RBFOX1: variants seen among roughly 807,000 people sequenced by gnomAD.
RBFOX1 encodes RNA binding protein fox-1 homolog 1.
In RBFOX1, 8 loss-of-function variants were observed where a neutral mutation model predicts 57.7. That is an observed-to-expected ratio of 0.14 (90% CI 0.08 to 0.25). The LOEUF (loss-of-function observed/expected upper bound fraction) is 0.25, where lower values mean the gene tolerates loss of function less well. Among genes scored for constraint, RBFOX1 ranks in the 10% least tolerant of loss-of-function variants. RBFOX1 has a pLI of 1.00. For missense variants in RBFOX1, 611 were observed against 548.5 expected (o/e 1.11, Z -1.14); for synonymous variants, 326 against 222.4 (o/e 1.47, Z -4.15).
intron 3 of RBFOX1, among the ~76,000 whole-genome samples, chr16:6,656,394 TA>T (rs1318505519): frequency 2.6e-5 from 4 of 152,006 alleles, no homozygotes; most frequent in African/African-American, 9.7e-5. Flanking sequence ...ACGCACAAGG[TA>T]AATAAGCAGG....
At chr16:7,194,065 A>G (rs577834662) in intron 4 of RBFOX1, among the ~76,000 whole-genome samples, 2 of 152,272 alleles carry the variant, frequency 1.3e-5, no homozygotes, top group African/African-American at 4.8e-5. Context: ...CATTGAATCA[A>G]TTATTGGGAG....
At chr16:5,373,455 C>T (rs959951837) in intron 1 of RBFOX1, among the ~76,000 whole-genome samples, 1 of 151,948 alleles carries the variant, frequency 6.6e-6, no homozygotes, top group Non-Finnish European at 1.5e-5. Flanking sequence ...TGTGTAGCAC[C>T]TCTCCCTTCA....
chr16:5,658,620 C>A (rs1314320581), intron 3 of RBFOX1, among the ~76,000 whole-genome samples: 1 of 151,998 alleles, frequency 6.6e-6, no homozygotes, highest in Non-Finnish European at 1.5e-5. Context: ...GTTTTCCATT[C>A]TTGAGTTACT....
At chr16:7,137,840 C>T (rs147991317) in intron 4 of RBFOX1, among the ~76,000 whole-genome samples, 2 of 152,202 alleles carry the variant, frequency 1.3e-5, no homozygotes, top group Non-Finnish European at 2.9e-5. Context: ...TGCACAGGCT[C>T]ACTACATGTT....
intron 1 of RBFOX1, among the ~76,000 whole-genome samples, chr16:5,300,376 G>A (rs929827729): frequency 1.3e-5 from 2 of 152,136 alleles, no homozygotes; most frequent in East Asian, 1.9e-4. Context: ...GGGTGGGAGC[G>A]GGTGAGGGAT....
intron 4 of RBFOX1, among the ~76,000 whole-genome samples, chr16:7,150,219 G>C (rs1241713027): frequency 6.6e-6 from 1 of 152,104 alleles, no homozygotes; most frequent in African/African-American, 2.4e-5. Flanking sequence ...TTTACCTATT[G>C]GCTGGCAACC....
chr16:6,998,737 A>G (rs2092487777), intron 3 of RBFOX1, among the ~76,000 whole-genome samples: 1 of 152,156 alleles, frequency 6.6e-6, no homozygotes, highest in Admixed American at 6.5e-5. Flanking sequence ...AAAACTTAAT[A>G]TATCAGGCTC....
chr16:5,892,689 G>A (rs1363625375), intron 4 of RBFOX1, among the ~76,000 whole-genome samples: 1 of 152,166 alleles, frequency 6.6e-6, no homozygotes, highest in African/African-American at 2.4e-5. Context: ...CTTCCCAGAC[G>A]GGATTCCTAA....
At chr16:6,652,260 C>G (rs1270214943) in intron 2 of RBFOX1, among the ~76,000 whole-genome samples, 2 of 152,054 alleles carry the variant, frequency 1.3e-5, no homozygotes, top group African/African-American at 4.8e-5. Context: ...AGCATCCTGG[C>G]CAATATGGTG....
intron 3 of RBFOX1, among the ~76,000 whole-genome samples, chr16:7,015,753 C>G (rs562685584): frequency 1.3e-5 from 2 of 151,994 alleles, no homozygotes; most frequent in East Asian, 3.9e-4. Flanking sequence ...ATTTTAATAA[C>G]ATTTTCTTTT....
In RBFOX1 at chr16:6,707,715, G is replaced by C. The variant is rs142584991; in HGVS notation, c.-16+53065G>C. On this transcript the variant is annotated intron_variant, in intron 3 of 15. Transcript: ENST00000550418. ...GAGAGTGCCCTTCCTCCCAGTTTCT[G>C]CTCCATAGCACATTTTTAATTCCAG... Among the ~76,000 whole-genome samples the C allele has an allele frequency of 8.2e-3, 1,248 of 152,230 alleles. 9 individuals are homozygous for C. The highest frequency in any genetic ancestry group is 0.011 in the Non-Finnish European group (732 of 68,014).
At chr16:5,516,829 C>T (rs2043810183) in intron 2 of RBFOX1, among the ~76,000 whole-genome samples, 1 of 152,134 alleles carries the variant, frequency 6.6e-6, no homozygotes, top group East Asian at 1.9e-4. Context: ...TCCTGCTGCC[C>T]TATGAAGAGG....
chr16:6,316,974 A>G (rs916304263), intron 1 of RBFOX1, 21 bp from the exon 2 acceptor site: 4 of 1,532,218 alleles, frequency 2.6e-6, no homozygotes, highest in Admixed American at 2.0e-5. Context: ...TACTAAAGTC[A>G]TTCCCCTTTT....
chr16:5,391,441 C>A (rs925435923), intron 1 of RBFOX1, among the ~76,000 whole-genome samples: 5 of 152,100 alleles, frequency 3.3e-5, no homozygotes, highest in Admixed American at 3.3e-4. Context: ...GGGTTAAATC[C>A]TTCTCACACT....
intron 2 of RBFOX1, among the ~76,000 whole-genome samples, chr16:6,323,063 C>G (rs568718528): frequency 6.6e-6 from 1 of 152,270 alleles, no homozygotes; most frequent in South Asian, 2.1e-4. Flanking sequence ...GGCAGGAACT[C>G]TGCAGACCTT....
At chr16:6,383,584 C>A (rs562651242) in intron 2 of RBFOX1, among the ~76,000 whole-genome samples, 10 of 151,992 alleles carry the variant, frequency 6.6e-5, no homozygotes, top group Non-Finnish European at 1.5e-4. Flanking sequence ...ACTGGCCTGG[C>A]CAACATGGTG....
chr16:6,976,557 G>A (rs1030482048), intron 3 of RBFOX1, among the ~76,000 whole-genome samples: 1 of 151,840 alleles, frequency 6.6e-6, no homozygotes, highest in Non-Finnish European at 1.5e-5. Flanking sequence ...AAGTTTATTA[G>A]GAAAGGCAAG....
chr16:6,815,857 C>T (rs371469991), intron 3 of RBFOX1, among the ~76,000 whole-genome samples: 2 of 152,224 alleles, frequency 1.3e-5, no homozygotes, highest in Non-Finnish European at 1.5e-5. Flanking sequence ...TTTGTCAACA[C>T]TCAGTCTGTT....
At chr16:7,445,961 T>G (rs2098804476) in intron 4 of RBFOX1, among the ~76,000 whole-genome samples, 1 of 152,202 alleles carries the variant, frequency 6.6e-6, no homozygotes. Context: ...TTTTCTTGCC[T>G]AAAGAAGCCC....
Sources: allele counts gnomAD v4.1 joint callset (sites outside exome capture counted in the v4.1 genomes callset), GRCh38; gene constraint gnomAD v4.1.1; transcripts MANE v1.5; gene names NCBI Gene and HGNC (gene_info 2026-07-23, HGNC 2026-07-21).